SVEP1: variants seen among roughly 807,000 people sequenced by gnomAD.
SVEP1 encodes the protein sushi, von Willebrand factor type A, EGF and pentraxin domain-containing protein 1.
A neutral mutation model predicts 367.3 loss-of-function variants in SVEP1; 164 were observed. The observed-to-expected ratio is 0.45, with a 90% CI of 0.39 to 0.51. SVEP1 has a LOEUF of 0.51. Among genes scored for constraint, SVEP1 ranks in the 20% least tolerant of loss-of-function variants. The probability of loss-of-function intolerance (pLI) is 0.00; values close to 1 mark genes in which losing one functional copy is unlikely to be tolerated. For synonymous variants in SVEP1, 1,666 were observed against 1,611.6 expected (o/e 1.03, Z -0.81); for missense variants, 4,117 against 4,425.3 (o/e 0.93, Z 1.98).
chr9:110,369,271 G>A (rs1467971049), intron 47 of SVEP1, among the ~76,000 whole-genome samples: 2 of 152,112 alleles, frequency 1.3e-5, no homozygotes, highest in Admixed American at 1.3e-4. Context: ...CCTTTGACTT[G>A]TGATAGTATT....
Position 110,472,306 on chromosome 9 carries a change from C to T in SVEP1, c.2617G>A (p.Ala873Thr). ...TAAGAGTAATCCAGCCTATTAGCTG[C>T]ACCCCAGCCACCTGGTCCTGGATAG... ...GFAIGPGGWG[A>T]ANRLDYSYDD... Residue 873 changes from alanine to threonine, a missense_variant, in exon 15 of 48, where the codon GCA becomes ACA. Around this residue, in one of 4 missense-constraint regions of SVEP1, gnomAD observed 2,174 missense variants for 2,494.3 expected, o/e 0.87. Coordinates refer to ENST00000374469, the MANE Select transcript of SVEP1 (RefSeq NM_153366.4). 1 of 1,595,712 alleles carries T rather than the reference C, an allele frequency of 6.3e-7. No homozygotes were observed. The highest frequency in any genetic ancestry group is 8.5e-7 in the Non-Finnish European group (1 of 1,174,428).
In SVEP1 at chr9:110,435,357, G is replaced by A. The variant is rs1828417430; in HGVS notation, c.4772C>T (p.Ser1591Leu). The A allele has an allele frequency of 6.2e-7, 1 of 1,612,868 alleles. No individual in the cohort carries two copies. The highest frequency in any genetic ancestry group is 8.5e-7 in the Non-Finnish European group (1 of 1,179,220). Residue 1591 changes from serine (S) to leucine (L), a missense_variant, in exon 29 of 48, where the codon TCA becomes TTA. By Grantham distance (145) the Ser-to-Leu change is moderately radical. Around this residue, in one of 4 missense-constraint regions of SVEP1, gnomAD observed 2,174 missense variants for 2,494.3 expected, o/e 0.87. Coordinates refer to ENST00000374469, the MANE Select transcript of SVEP1 (RefSeq NM_153366.4). ...DYVLSPQQVKSLATSCPEELS... is the reference protein window; with the variant it reads ...DYVLSPQQVKLLATSCPEELS... ...TTCCTCTGGGCAGGAGGTAGCCAGT[G>A]ACTTCACCTGAAAGTTTAATAACAC...
intron 40 of SVEP1, among the ~76,000 whole-genome samples, chr9:110,394,069 T>C (rs1012517758): frequency 3.3e-5 from 5 of 152,098 alleles, no homozygotes; most frequent in Admixed American, 6.5e-5. Flanking sequence ...CTCAAGTGGG[T>C]CCCTGACCCC....
At position 110,532,257 on chromosome 9, in the gene SVEP1, C is replaced by A. The variant is rs137956383; in HGVS notation, c.964+13858G>T. 5.1e-3 allele frequency among the ~76,000 whole-genome samples: 769 copies of A among 152,246 alleles called. 8 individuals carry two copies. Among genetic ancestry groups the A allele is most frequent in the Middle Eastern group, 6.8e-3 (2 of 294 alleles). ...CATAGAATATTAGAGAAAAGAAAAC[C>A]TACCAAACATTATAATACCATATGG... On this transcript the variant is annotated intron_variant, in intron 3 of 47. Coordinates refer to ENST00000374469, the MANE Select transcript of SVEP1 (RefSeq NM_153366.4).
At chr9:110,433,527 G>C (rs1828386905) in intron 30 of SVEP1, among the ~76,000 whole-genome samples, 1 of 147,882 alleles carries the variant, frequency 6.8e-6, no homozygotes, top group Non-Finnish European at 1.5e-5. Flanking sequence ...GGAGTGCAGT[G>C]GTGCAATCTC....
At chr9:110,458,206 A>C (rs1158991234) in intron 20 of SVEP1, 1 of 565,650 alleles carries the variant, frequency 1.8e-6, no homozygotes, top group Non-Finnish European at 3.1e-6. Flanking sequence ...ATAGTGAATC[A>C]AAAGGCTCCC....
Position 110,496,815 on chromosome 9 carries a change from C to T in SVEP1, c.1800G>A (p.Lys600=). The change falls in exon 8 of 48, where the codon AAG becomes AAA. Residue 600 remains lysine (K), a splice_region_variant and synonymous_variant. Transcript: ENST00000374469. The part of the protein sequence containing the change: ...IPTAKDNSGE[K]VSVHVHPAFT... ...ATGCACATAATTGCACAAACCTTACCTTTTCACCAGAGTTGTCTTTAGCTG... is the reference window on the plus strand; with the variant it reads ...ATGCACATAATTGCACAAACCTTACTTTTTCACCAGAGTTGTCTTTAGCTG... 1 of 1,551,462 alleles carries T rather than the reference C, an allele frequency of 6.4e-7. No individual in the cohort carries two copies. The highest frequency in any genetic ancestry group is 8.7e-7 in the Non-Finnish European group (1 of 1,145,858).
intron 5 of SVEP1, among the ~76,000 whole-genome samples, chr9:110,507,053 T>G (rs1829637196): frequency 6.6e-6 from 1 of 152,152 alleles, no homozygotes; most frequent in South Asian, 2.1e-4. Context: ...AAAGAGTCGG[T>G]GCCTGTTAAA....
chr9:110,491,430 C>T (rs1432291354), intron 8 of SVEP1, among the ~76,000 whole-genome samples: 1 of 151,626 alleles, frequency 6.6e-6, no homozygotes, highest in Non-Finnish European at 1.5e-5. Context: ...ATTATTTCAC[C>T]TGCCAATGTT....
chr9:110,406,988 C>T lies in SVEP1; in HGVS notation c.8612G>A (p.Arg2871Gln), dbSNP rs752389212. Residue 2871 changes from arginine (R) to glutamine (Q), a missense_variant, in exon 38 of 48, where the codon CGG (arginine) becomes CAG (glutamine). Around this residue, in one of 4 missense-constraint regions of SVEP1, gnomAD observed 1,765 missense variants for 1,781.1 expected, o/e 0.99. Transcript: ENST00000374469. ...EGFLLEGARS[R>Q]VCLANGSWSG... Reference sequence around the variant, plus strand: ...CCAACTTCCATTGGCAAGACAAACCCGACTCCTGGCTCCCTCAAGCAAGAA... The same window carrying T: ...CCAACTTCCATTGGCAAGACAAACCTGACTCCTGGCTCCCTCAAGCAAGAA... The T allele has an allele frequency of 1.7e-5, 27 of 1,613,958 alleles. No homozygotes were observed. The highest frequency in any genetic ancestry group is 4.5e-5 in the East Asian group (2 of 44,874).
chr9:110,560,529 CACTT>C, intron 1 of SVEP1, among the ~76,000 whole-genome samples: 1 of 152,264 alleles, frequency 6.6e-6, no homozygotes, highest in Middle Eastern at 3.4e-3. Flanking sequence ...CTTTGAGTCT[CACTT>C]ACAGTCTAAT....
chr9:110,496,875 C>T lies in SVEP1; in HGVS notation c.1740G>A (p.Gln580=). ...PKDIEAKTLE[Q]QDSANVTWQI... The stretch of plus-strand genomic sequence containing the variant: ...GCCAGGTAACATTGGCAGAATCTTG[C>T]TGTTCCAGAGTCTTAGCCTCTATGT... Residue 580 remains glutamine, a synonymous_variant, in exon 8 of 48, where the codon CAG becomes CAA. Transcript: ENST00000374469. The T allele has an allele frequency of 6.4e-7, 1 of 1,558,062 alleles. No homozygotes were observed. The highest frequency in any genetic ancestry group is 8.7e-7 in the Non-Finnish European group (1 of 1,149,476).
At chr9:110,513,184 G>A in intron 4 of SVEP1, 79 bp from the exon 5 acceptor site, 1 of 1,369,042 alleles carries the variant, frequency 7.3e-7, no homozygotes, top group South Asian at 1.5e-5. Flanking sequence ...TTTCTTTCAA[G>A]GGGGCATTTA....
intron 36 of SVEP1, among the ~76,000 whole-genome samples, chr9:110,414,003 G>A (rs191643093): frequency 5.9e-5 from 9 of 152,142 alleles, no homozygotes. Flanking sequence ...GCTGTAAGCA[G>A]CAGAATTGGG....
chr9:110,402,970 C>T (rs909667210), intron 39 of SVEP1, among the ~76,000 whole-genome samples: 11 of 152,104 alleles, frequency 7.2e-5, no homozygotes, highest in African/African-American at 2.7e-4. Context: ...CAGGCAAGTA[C>T]TAGCAATTTT....
At chr9:110,487,894 A>C (rs1184217987) in intron 9 of SVEP1, among the ~76,000 whole-genome samples, 2 of 152,216 alleles carry the variant, frequency 1.3e-5, no homozygotes, top group African/African-American at 4.8e-5. Context: ...GAACCCAACC[A>C]GCTTGGGTTC....
chr9:110,531,474 T>A (rs2118817774), intron 3 of SVEP1, among the ~76,000 whole-genome samples: 1 of 152,220 alleles, frequency 6.6e-6, no homozygotes, highest in East Asian at 1.9e-4. Flanking sequence ...TCTCATGAGA[T>A]CTGATGGTTT....
intron 36 of SVEP1, among the ~76,000 whole-genome samples, chr9:110,418,853 A>T (rs1207104952): frequency 1.6e-5 from 2 of 125,062 alleles, no homozygotes; most frequent in East Asian, 4.0e-4. Context: ...AGAATTTCGT[A>T]TCAGCCAAAC....
chr9:110,375,526 T>G (rs1827339410), intron 45 of SVEP1, 63 bp from the exon 46 acceptor site: 20 of 1,385,098 alleles, frequency 1.4e-5, no homozygotes, highest in Non-Finnish European at 2.0e-5. Flanking sequence ...TTGATCAAAG[T>G]ACACATCTTA....
Sources: gnomAD v4.1 joint callset for allele counts (sites outside exome capture counted in the v4.1 genomes callset) on GRCh38, gnomAD v4.1.1 for gene constraint, gnomAD v4.1.1 regional missense constraint, MANE v1.5 for transcripts, NCBI Gene and HGNC (gene_info 2026-07-23, HGNC 2026-07-21) for gene names.